The following SLC13A4 variants were observed in gnomAD, a reference collection of about 807,000 sequenced individuals.
The protein encoded by SLC13A4 is Na(+)/sulfate cotransporter SUT-1.
Under a neutral mutation model 72.7 loss-of-function variants are expected in SLC13A4, and 28 were observed. The ratio of observed to expected loss-of-function variants is 0.39; its 90% CI spans 0.29 to 0.53. The LOEUF (loss-of-function observed/expected upper bound fraction) is 0.53, where lower values mean the gene tolerates loss of function less well. Ranked by LOEUF, SLC13A4 falls within the 20% of genes least tolerant of loss-of-function variation. SLC13A4 has a pLI of 0.78. For synonymous variants in SLC13A4, 312 were observed against 325.5 expected (o/e 0.96, Z 0.45); for missense variants, 653 against 788.0 (o/e 0.83, Z 2.05).
intron 1 of SLC13A4, among the ~76,000 whole-genome samples, chr7:135,723,205 C>T (rs1294986049): frequency 6.6e-6 from 1 of 152,178 alleles, no homozygotes; most frequent in African/African-American, 2.4e-5. Flanking sequence ...ACCATGGAAA[C>T]ATCCATCTAC....
rs560953160 is a variant in SLC13A4, at chr7:135,727,930, C to T, written c.-434G>A. On this transcript the variant is annotated 5_prime_UTR_variant, in exon 1 of 16. Coordinates refer to ENST00000682651, the MANE Select transcript of SLC13A4 (RefSeq NM_001318192.2). ...TTAAAAACGCTCAGAGCACATTGTG[C>T]TCTCCATCAGTTTTCCTCCCTCGGA... 6.4e-6 allele frequency: 1 copy of T among 155,288 alleles called. No homozygotes were observed. The highest frequency in any genetic ancestry group is 2.1e-4 in the South Asian group (1 of 4,874). The allele number at this position is 155,288 out of a possible 1,614,324, so 9.6% of individuals were successfully genotyped here.
chr7:135,719,803 ATGTGTGTG>A (rs113694819), intron 2 of SLC13A4, among the ~76,000 whole-genome samples: 2 of 104,960 alleles, frequency 1.9e-5, no homozygotes, highest in Non-Finnish European at 3.7e-5. Flanking sequence ...GTGTGTGTGT[ATGTGTGTG>A]TGTGTGTGTG....
chr7:135,727,478 G>C lies in SLC13A4; in HGVS notation c.19C>G (p.Leu7Val). The part of the protein sequence containing the change: MGLLQG[L>V]LRVRKLLLVV... Reference sequence around the variant, plus strand: ...AGCAGCAGCTTCCGGACTCGGAGCAGGCCCTGCAGCAGGCCCATCGCGCCT... The same window carrying C: ...AGCAGCAGCTTCCGGACTCGGAGCACGCCCTGCAGCAGGCCCATCGCGCCT... The change falls in exon 1 of 16, where the codon CTG (leucine) becomes GTG (valine). Residue 7 changes from leucine (L) to valine (V), a missense_variant. Transcript: ENST00000682651. The C allele has an allele frequency of 1.3e-6, 2 of 1,550,528 alleles. No individual in the cohort carries two copies. The highest frequency in any genetic ancestry group is 1.7e-6 in the Non-Finnish European group (2 of 1,146,836).
At chr7:135,723,894 C>A (rs1016129244) in intron 1 of SLC13A4, among the ~76,000 whole-genome samples, 4 of 151,800 alleles carry the variant, frequency 2.6e-5, no homozygotes, top group Non-Finnish European at 4.4e-5. Flanking sequence ...GCTGATAAGA[C>A]AACAGAACCA....
At chr7:135,681,981 C>T (rs978424099) in intron 15 of SLC13A4, among the ~76,000 whole-genome samples, 5 of 152,152 alleles carry the variant, frequency 3.3e-5, no homozygotes, top group African/African-American at 1.2e-4. Context: ...CTCTGTGGAA[C>T]GTGAAGAGGT....
intron 14 of SLC13A4, 47 bp downstream of exon 14, chr7:135,685,475 C>A (rs1412767143): frequency 1.3e-6 from 2 of 1,585,218 alleles, no homozygotes; most frequent in East Asian, 4.5e-5. Context: ...CCACTCCAGG[C>A]CCCTGGGACA....
At chr7:135,718,703 T>G (rs754072075) in intron 2 of SLC13A4, among the ~76,000 whole-genome samples, 2 of 151,974 alleles carry the variant, frequency 1.3e-5, no homozygotes, top group Non-Finnish European at 2.9e-5. Flanking sequence ...GAGAGAACTT[T>G]CCAAAGTGGA....
At chr7:135,708,313 C>G in intron 2 of SLC13A4, 63 bp from the exon 3 acceptor site, 1 of 1,603,480 alleles carries the variant, frequency 6.2e-7, no homozygotes. Flanking sequence ...CCAGCACCAG[C>G]TGGGAGAATG....
At chr7:135,704,952 C>T (rs1796128177) in intron 5 of SLC13A4, 1 of 152,324 alleles carries the variant, frequency 6.6e-6, no homozygotes, top group Non-Finnish European at 1.5e-5. Context: ...TAAATGTGGA[C>T]TATTCATTGT....
At chr7:135,718,544 G>A (rs1364879852) in intron 2 of SLC13A4, among the ~76,000 whole-genome samples, 1 of 152,064 alleles carries the variant, frequency 6.6e-6, no homozygotes, top group Admixed American at 6.6e-5. Flanking sequence ...TCTATGAAAA[G>A]TTTATATCTG....
intron 2 of SLC13A4, 105 bp downstream of exon 2, chr7:135,721,290 G>A: frequency 7.3e-7 from 1 of 1,361,366 alleles, no homozygotes. Context: ...TGGGTGACAA[G>A]GCCCCCTCAT....
At chr7:135,723,175 C>G (rs1369793871) in intron 1 of SLC13A4, among the ~76,000 whole-genome samples, 3 of 152,146 alleles carry the variant, frequency 2.0e-5, no homozygotes, top group African/African-American at 4.8e-5. Context: ...TGCTCTTGGA[C>G]TCCATTCTAT....
At chr7:135,710,966 G>C (rs1796286592) in intron 2 of SLC13A4, among the ~76,000 whole-genome samples, 1 of 149,922 alleles carries the variant, frequency 6.7e-6, no homozygotes, top group South Asian at 2.1e-4. Context: ...AGTCCACTCT[G>C]AGAGGGCGGT....
chr7:135,717,530 T>G (rs1241964293), intron 2 of SLC13A4, among the ~76,000 whole-genome samples: 1 of 152,224 alleles, frequency 6.6e-6, no homozygotes, highest in Non-Finnish European at 1.5e-5. Context: ...GGTTTATACT[T>G]TCTCTCTACT....
chr7:135,705,627 G>T lies in SLC13A4; in HGVS notation c.562C>A (p.Pro188Thr). The T allele has an allele frequency of 1.2e-6, 2 of 1,614,122 alleles. No individual in the cohort carries two copies. The highest frequency in any genetic ancestry group is 1.7e-6 in the Non-Finnish European group (2 of 1,180,000). ...PISLDVKNSQ[P>T]SLELIFVNED... ...TTGACAAAGATGAGTTCCAGAGAAG[G>T]TTGGCTGTTCTTTACATCCAGACCT... The change falls in exon 5 of 16, where the codon CCT becomes ACT. Residue 188 changes from proline (P) to threonine (T), a missense_variant. Pro to Thr is a conservative substitution (Grantham distance 38, BLOSUM62 -1). Coordinates refer to ENST00000682651, the MANE Select transcript of SLC13A4 (RefSeq NM_001318192.2).
Position 135,694,675 on chromosome 7 carries a change from A to G in SLC13A4, c.1020-437T>C, listed in dbSNP as rs553578831. 2.6e-5 allele frequency among the ~76,000 whole-genome samples: 4 copies of G among 152,382 alleles called. No homozygotes were observed. In the South Asian group the frequency reaches 8.3e-4, roughly 32 times the overall value. ...TCCAGAGAAGCTTTGTCTCTAGCCA[A>G]ACAAACACACAAACATCTGCGTATA... On this transcript the variant is annotated intron_variant, in intron 9 of 15. Transcript: ENST00000682651.
chr7:135,681,763 C>A, intron 15 of SLC13A4, 63 bp from the exon 16 acceptor site: 1 of 1,572,444 alleles, frequency 6.4e-7, no homozygotes, highest in Non-Finnish European at 8.6e-7. Context: ...ATCCCCAAGT[C>A]CCCCTTCTGT....
intron 4 of SLC13A4, 48 bp from the exon 5 acceptor site, chr7:135,705,698 T>C: frequency 6.4e-7 from 1 of 1,569,224 alleles, no homozygotes; most frequent in Non-Finnish European, 8.8e-7. Context: ...AGGCTGGGGC[T>C]GACCCTGTGG....
Position 135,699,358 on chromosome 7 carries a change from A to T in SLC13A4, c.899+6T>A, listed in dbSNP as rs772955878. 1 of 1,606,608 alleles carries T rather than the reference A, an allele frequency of 6.2e-7. No homozygotes were observed. Among genetic ancestry groups the T allele is most frequent in the African/African-American group, 1.3e-5 (1 of 74,828 alleles). ...TAAATATTTGTTGACCAAGTGAATC[A>T]CTTACTTGTTGAAGTGTTCCAGGAA... is the stretch of plus-strand genomic sequence containing the variant. On this transcript the variant is annotated splice_donor_region_variant and intron_variant, in intron 8 of 15. Coordinates refer to ENST00000682651, the MANE Select transcript of SLC13A4 (RefSeq NM_001318192.2).
Sources: allele counts gnomAD v4.1 joint callset (sites outside exome capture counted in the v4.1 genomes callset), GRCh38; gene constraint gnomAD v4.1.1; transcripts MANE v1.5; gene names NCBI Gene and HGNC (gene_info 2026-07-23, HGNC 2026-07-21).